The following GNAQ variants were observed in gnomAD, a reference collection of about 807,000 sequenced individuals.
The protein encoded by GNAQ is G protein subunit alpha q.
GNAQ carries 8 observed loss-of-function variants against 43.9 expected under a neutral mutation model. That is an observed-to-expected ratio of 0.18 (90% CI 0.11 to 0.33). The LOEUF is 0.33. Ranked by LOEUF, GNAQ falls within the 10% of genes least tolerant of loss-of-function variation. The pLI is 1.00. For synonymous variants in GNAQ, 155 were observed against 170.7 expected, an observed-to-expected ratio of 0.91 and a Z score of 0.71; for missense variants, 158 against 450.8, an observed-to-expected ratio of 0.35 and a Z score of 5.88.
chr9:77,857,628 A>G (rs1206220029), intron 2 of GNAQ, among the ~76,000 whole-genome samples: 1 of 136,794 alleles, frequency 7.3e-6, no homozygotes, highest in Non-Finnish European at 1.6e-5. Flanking sequence ...TGGGGAAGAA[A>G]AGGAAGGACG....
At chr9:77,819,066 TAAAC>T (rs1250111655) in intron 2 of GNAQ, among the ~76,000 whole-genome samples, 2 of 114,810 alleles carry the variant, frequency 1.7e-5, no homozygotes, top group Non-Finnish European at 3.6e-5. Flanking sequence ...ATGAATCACA[TAAAC>T]AAAATGTAAA....
intron 1 of GNAQ, among the ~76,000 whole-genome samples, chr9:77,934,911 G>A (rs754111370): frequency 2.6e-5 from 4 of 152,130 alleles, no homozygotes; most frequent in Non-Finnish European, 5.9e-5. Flanking sequence ...TGGATCATGA[G>A]GTCAAGAGTT....
intron 1 of GNAQ, among the ~76,000 whole-genome samples, chr9:77,925,827 C>G (rs1378397176): frequency 6.6e-6 from 1 of 152,162 alleles, no homozygotes; most frequent in Non-Finnish European, 1.5e-5. Flanking sequence ...GGATTTCCCT[C>G]TTTGGACACC....
chr9:77,790,283 A>G (rs1210567581), intron 5 of GNAQ, among the ~76,000 whole-genome samples: 2 of 152,102 alleles, frequency 1.3e-5, no homozygotes, highest in African/African-American at 4.8e-5. Flanking sequence ...TTTCTCCTCA[A>G]TTTTTAGTCA....
At chr9:77,893,976 C>T (rs996315747) in intron 2 of GNAQ, among the ~76,000 whole-genome samples, 23 of 152,040 alleles carry the variant, frequency 1.5e-4, no homozygotes, top group Admixed American at 1.5e-3. Context: ...TACATTTTCT[C>T]TGAGATGATT....
rs147004924 is a variant in GNAQ at position 77,733,217 on chromosome 9, T to C, written c.736-4550A>G. Among the ~76,000 whole-genome samples the C allele has an allele frequency of 1.5e-3, 231 of 152,294 alleles. 2 individuals carry two copies. The highest frequency in any genetic ancestry group is 4.2e-3 in the African/African-American group (176 of 41,572). Reference sequence around the variant, plus strand: ...CTGAGTGTTCTACCCTGACCAGTTATCTGTGAAAGCCCTGTTTGAGCCATC... The same window carrying C: ...CTGAGTGTTCTACCCTGACCAGTTACCTGTGAAAGCCCTGTTTGAGCCATC... On this transcript the variant is annotated intron_variant, in intron 5 of 6. Coordinates refer to ENST00000286548, the MANE Select transcript of GNAQ (RefSeq NM_002072.5).
intron 5 of GNAQ, among the ~76,000 whole-genome samples, chr9:77,753,947 G>C (rs1210160218): frequency 2.6e-5 from 4 of 152,198 alleles, no homozygotes; most frequent in African/African-American, 9.6e-5. Context: ...TCTTGTTTGT[G>C]TGTTGGGATA....
intron 2 of GNAQ, among the ~76,000 whole-genome samples, chr9:77,898,212 A>C (rs1190824881): frequency 6.6e-6 from 1 of 152,176 alleles, no homozygotes; most frequent in Non-Finnish European, 1.5e-5. Context: ...ACTGTTACTT[A>C]ATGCTAATAA....
At chr9:77,825,815 A>C (rs2118537228) in intron 2 of GNAQ, among the ~76,000 whole-genome samples, 1 of 152,336 alleles carries the variant, frequency 6.6e-6, no homozygotes, top group East Asian at 1.9e-4. Context: ...CTGGGACAAC[A>C]GGTGCAAACA....
chr9:77,795,571 T>A (rs960956570), intron 4 of GNAQ, among the ~76,000 whole-genome samples: 2 of 152,152 alleles, frequency 1.3e-5, no homozygotes, highest in Non-Finnish European at 2.9e-5. Flanking sequence ...ACATTAAACC[T>A]AAACAAGAAC....
At chr9:77,773,510 G>T (rs1826261175) in intron 5 of GNAQ, among the ~76,000 whole-genome samples, 1 of 152,182 alleles carries the variant, frequency 6.6e-6, no homozygotes, top group Non-Finnish European at 1.5e-5. Context: ...ATATTAACTT[G>T]TGCAAGATTA....
intron 1 of GNAQ, among the ~76,000 whole-genome samples, chr9:77,971,549 T>TAGAAAG (rs1823236883): frequency 6.6e-6 from 1 of 152,208 alleles, no homozygotes; most frequent in South Asian, 2.1e-4. Context: ...TCTCAATAGA[T>TAGAAAG]GCAGAAAAGG....
rs574268185 is a variant in GNAQ at position 77,983,654 on chromosome 9, G to A, written c.136+47446C>T. ...TCAAGGTTCCCCTTACTGTGGCACA[G>A]GGTTTGGCTGAGCAGCTCATTTTCT... On this transcript the variant is annotated intron_variant, in intron 1 of 6. Transcript: ENST00000286548. Among the ~76,000 whole-genome samples the A allele has an allele frequency of 2.6e-5, 4 of 152,276 alleles. No individual in the cohort carries two copies. In the South Asian group the frequency reaches 8.3e-4, roughly 32 times the overall value.
At chr9:77,898,320 C>CA (rs1564144758) in intron 2 of GNAQ, among the ~76,000 whole-genome samples, 1 of 152,180 alleles carries the variant, frequency 6.6e-6, no homozygotes, top group Non-Finnish European at 1.5e-5. Flanking sequence ...AAAGCTTTGA[C>CA]AGAACAGATG....
At chr9:78,030,646 C>T (rs1824040443) in intron 1 of GNAQ, 5 of 433,372 alleles carry the variant, frequency 1.2e-5, no homozygotes, top group Admixed American at 7.6e-5. Flanking sequence ...GCCCCGGCTC[C>T]GCTCGCCACC....
At chr9:77,777,561 G>A (rs768763899) in intron 5 of GNAQ, among the ~76,000 whole-genome samples, 3 of 151,950 alleles carry the variant, frequency 2.0e-5, no homozygotes, top group African/African-American at 7.2e-5. Flanking sequence ...AATCCCTACA[G>A]AATATAATGT....
intron 5 of GNAQ, among the ~76,000 whole-genome samples, chr9:77,769,891 C>T (rs556042757): frequency 2.0e-5 from 3 of 152,192 alleles, no homozygotes; most frequent in African/African-American, 7.2e-5. Flanking sequence ...TGGTCTCGAT[C>T]TCCTGACCTC....
At chr9:77,754,791 AC>A (rs1379854246) in intron 5 of GNAQ, among the ~76,000 whole-genome samples, 1 of 152,206 alleles carries the variant, frequency 6.6e-6, no homozygotes, top group Non-Finnish European at 1.5e-5. Context: ...GTAAATTAGC[AC>A]AGCCACTATG....
chr9:77,808,902 A>G (rs1826871322), intron 3 of GNAQ, among the ~76,000 whole-genome samples: 1 of 152,070 alleles, frequency 6.6e-6, no homozygotes. Context: ...AACAAAAAAA[A>G]CTATCAGAGG....
Sources: gnomAD v4.1 joint callset for allele counts (sites outside exome capture counted in the v4.1 genomes callset) on GRCh38, gnomAD v4.1.1 for gene constraint, MANE v1.5 for transcripts, NCBI Gene and HGNC (gene_info 2026-07-23, HGNC 2026-07-21) for gene names.